UNC80: variants seen among roughly 807,000 people sequenced by gnomAD.
UNC80 encodes the protein protein unc-80 homolog.
In UNC80, 164 loss-of-function variants were observed where a neutral mutation model predicts 384.6. That is an observed-to-expected ratio of 0.43 (90% CI 0.38 to 0.49). UNC80 has a LOEUF of 0.49. UNC80 is among the 20% of genes least tolerant of loss of function. The probability of loss-of-function intolerance (pLI) is 0.00; values close to 1 mark genes in which losing one functional copy is unlikely to be tolerated. For missense variants in UNC80, 3,330 were observed against 4,143.0 expected (o/e 0.80, Z 5.39); for synonymous variants, 1,486 against 1,527.8 (o/e 0.97, Z 0.64).
chr2:209,815,719 T>A (rs1406488635), intron 9 of UNC80, among the ~76,000 whole-genome samples: 1 of 152,220 alleles, frequency 6.6e-6, no homozygotes. Context: ...TTGGTTCAAC[T>A]CATTTTTATC....
intron 5 of UNC80, among the ~76,000 whole-genome samples, chr2:209,786,980 CATATATATATATATATATATATATAT>C (rs60467878): frequency 1.5e-5 from 2 of 135,868 alleles, no homozygotes; most frequent in African/African-American, 5.7e-5. Flanking sequence ...TCTACAGAAG[CATATATATATATATATATATATATAT>C]ATATATATAT....
At chr2:209,937,069 A>G (rs1383550620) in intron 41 of UNC80, 136 bp downstream of exon 41, 2 of 623,666 alleles carry the variant, frequency 3.2e-6, no homozygotes, top group Middle Eastern at 2.7e-4. Context: ...CCATCTTACT[A>G]TCAATGGGGC....
At chr2:209,883,631 C>T (rs1263890728) in intron 25 of UNC80, among the ~76,000 whole-genome samples, 4 of 151,954 alleles carry the variant, frequency 2.6e-5, no homozygotes, top group African/African-American at 4.8e-5. Context: ...GATGGGGTTT[C>T]ACCATGTTAG....
intron 7 of UNC80, among the ~76,000 whole-genome samples, chr2:209,802,566 C>T (rs1200950247): frequency 1.3e-5 from 2 of 152,198 alleles, no homozygotes; most frequent in Non-Finnish European, 2.9e-5. Context: ...CAATTTAGTG[C>T]TCCCTCTTGA....
intron 34 of UNC80, 41 bp downstream of exon 34, chr2:209,921,727 A>C (rs2090053275): frequency 4.7e-6 from 7 of 1,502,568 alleles, no homozygotes; most frequent in Admixed American, 4.8e-5. Context: ...GCTGAGTCTC[A>C]GGGAAATAAC....
intron 22 of UNC80, among the ~76,000 whole-genome samples, chr2:209,855,941 C>A (rs932824337): frequency 1.3e-5 from 2 of 151,930 alleles, no homozygotes; most frequent in African/African-American, 4.8e-5. Flanking sequence ...TTTAGCAATG[C>A]CCTTATTAAT....
chr2:209,957,758 T>C, intron 49 of UNC80, 22 bp downstream of exon 49: 1 of 1,548,860 alleles, frequency 6.5e-7, no homozygotes, highest in Non-Finnish European at 8.7e-7. Flanking sequence ...CGCCTTATTC[T>C]TCTATGGTCT....
chr2:209,848,476 A>T (rs1029619364), intron 21 of UNC80, among the ~76,000 whole-genome samples: 7 of 152,164 alleles, frequency 4.6e-5, no homozygotes, highest in African/African-American at 1.4e-4. Flanking sequence ...AACGTAGGCA[A>T]AAAGTAAAGA....
At chr2:209,940,161 A>C (rs16824939) in intron 43 of UNC80, among the ~76,000 whole-genome samples, 11,106 of 152,094 alleles carry the variant, frequency 0.073, 1,353 homozygotes, top group African/African-American at 0.25. Flanking sequence ...ACTTGACTAA[A>C]CAAAGACCGG....
At chr2:209,907,524 G>A (rs1425861197) in intron 29 of UNC80, among the ~76,000 whole-genome samples, 2 of 152,070 alleles carry the variant, frequency 1.3e-5, no homozygotes, top group African/African-American at 4.8e-5. Context: ...TTTAACTAAA[G>A]GATGCATAGA....
At chr2:209,884,894 G>A (rs1354579520) in intron 25 of UNC80, among the ~76,000 whole-genome samples, 1 of 151,938 alleles carries the variant, frequency 6.6e-6, no homozygotes, top group African/African-American at 2.4e-5. Context: ...CTGGGGTCTG[G>A]TGGTGTGGGG....
intron 2 of UNC80, among the ~76,000 whole-genome samples, chr2:209,774,184 A>G (rs1326627279): frequency 6.6e-6 from 1 of 152,258 alleles, no homozygotes; most frequent in Admixed American, 6.5e-5. Context: ...GGAAAGTTAA[A>G]CACATACATG....
At chr2:209,909,623 G>C (rs1308560200) in intron 29 of UNC80, among the ~76,000 whole-genome samples, 1 of 152,106 alleles carries the variant, frequency 6.6e-6, no homozygotes, top group Non-Finnish European at 1.5e-5. Context: ...AGGAATTTGA[G>C]GGGGCCATCT....
At chr2:209,916,322 A>G (rs1186679618) in intron 31 of UNC80, among the ~76,000 whole-genome samples, 1 of 152,240 alleles carries the variant, frequency 6.6e-6, no homozygotes, top group Non-Finnish European at 1.5e-5. Flanking sequence ...CAGAACTCAA[A>G]TAATCTCAAG....
At chr2:209,844,119 C>T (rs531544043) in intron 21 of UNC80, among the ~76,000 whole-genome samples, 5 of 152,086 alleles carry the variant, frequency 3.3e-5, no homozygotes, top group Non-Finnish European at 7.4e-5. Context: ...CCACTCCTCA[C>T]GATATTTTGG....
At position 209,819,191 on chromosome 2, in the gene UNC80, A is replaced by G; in HGVS notation, c.1892A>G (p.Tyr631Cys). 1 of 1,552,068 alleles carries G rather than the reference A, an allele frequency of 6.4e-7. No homozygotes were observed. Among genetic ancestry groups the G allele is most frequent in the Non-Finnish European group, 8.7e-7 (1 of 1,147,062 alleles). ...SLTDSCINYS[Y>C]LEDTEHIDGT... Reference sequence around the variant, plus strand: ...ACAGACTCCTGCATAAACTACAGCTACCTAGAGGACACAGAACATATTGAC... The same window carrying G: ...ACAGACTCCTGCATAAACTACAGCTGCCTAGAGGACACAGAACATATTGAC... The change falls in exon 12 of 65, where the codon TAC (tyrosine) becomes TGC (cysteine). Residue 631 changes from tyrosine (Y) to cysteine (C), a missense_variant. By Grantham distance (194) the Tyr-to-Cys change is radical. Around this residue, in one of 8 missense-constraint regions of UNC80, gnomAD observed 937 missense variants for 1,026.8 expected, o/e 0.91. Transcript: ENST00000673920.
chr2:209,907,687 C>A (rs557357132), intron 29 of UNC80, among the ~76,000 whole-genome samples: 1 of 152,152 alleles, frequency 6.6e-6, no homozygotes, highest in Non-Finnish European at 1.5e-5. Flanking sequence ...TTTTATCCTG[C>A]GAGCAGTGGC....
At chr2:209,821,920 A>G (rs888266908) in intron 13 of UNC80, among the ~76,000 whole-genome samples, 1 of 152,186 alleles carries the variant, frequency 6.6e-6, no homozygotes, top group Non-Finnish European at 1.5e-5. Flanking sequence ...CCATCTAGAT[A>G]TATATTGTAT....
chr2:209,947,291 G>A (rs2091956699), intron 47 of UNC80, among the ~76,000 whole-genome samples: 1 of 152,136 alleles, frequency 6.6e-6, no homozygotes, highest in Non-Finnish European at 1.5e-5. Flanking sequence ...AGATATGTCA[G>A]ATATTCTGCA....
Sources: allele counts gnomAD v4.1 joint callset (sites outside exome capture counted in the v4.1 genomes callset), GRCh38; gene constraint gnomAD v4.1.1; regional missense constraint gnomAD v4.1.1; transcripts MANE v1.5; gene names NCBI Gene and HGNC (gene_info 2026-07-23, HGNC 2026-07-21).